Variants in KCTD7 observed in about 807,000 individuals in gnomAD.
KCTD7 encodes the protein potassium channel tetramerization domain containing 7, also known as BTB/POZ domain-containing protein KCTD7.
In KCTD7, 15 loss-of-function variants were observed where a neutral mutation model predicts 27.0. That is an observed-to-expected ratio of 0.56 (90% CI 0.37 to 0.86). KCTD7 has a LOEUF of 0.86. Among genes scored for constraint, KCTD7 ranks in the 40% least tolerant of loss-of-function variants. The pLI is 0.00. For missense variants in KCTD7, 299 were observed against 398.9 expected, an observed-to-expected ratio of 0.75 and a Z score of 2.13; for synonymous variants, 159 against 162.7, an observed-to-expected ratio of 0.98 and a Z score of 0.17.
chr7:66,629,153 C>T lies in KCTD7; in HGVS notation c.89C>T (p.Pro30Leu), dbSNP rs890695139. The change falls in exon 1 of 4, where the codon CCG (proline) becomes CTG (leucine). Residue 30 changes from proline to leucine, a missense_variant. Pro to Leu is a moderately conservative substitution (Grantham distance 98). Coordinates refer to ENST00000639828, the MANE Select transcript of KCTD7 (RefSeq NM_153033.5). ...SSDAEDDFLE[P>L]ATPTATQAGH... ...GACGCCGAAGACGACTTTCTGGAGC[C>T]GGCCACGCCGACGGCCACGCAGGCG... 2 of 1,526,390 alleles carry T rather than the reference C, an allele frequency of 1.3e-6. No individual in the cohort carries two copies. Among genetic ancestry groups the T allele is most frequent in the South Asian group, 1.2e-5 (1 of 81,418 alleles). 94.6% of individuals were successfully genotyped at this position (1,526,390 alleles called of 1,614,324 possible). A position where few individuals can be genotyped will look rare whatever the true frequency, so the allele number is the denominator to read the frequency against.
Position 66,640,959 on chromosome 7 carries a change from G to A in KCTD7, c.*1727G>A. 1.0e-6 allele frequency: 1 copy of A among 985,508 alleles called. No homozygotes were observed. The highest frequency in any genetic ancestry group is 1.2e-6 in the Non-Finnish European group (1 of 830,018). 61.0% of individuals were successfully genotyped at this position (985,508 alleles called of 1,614,324 possible). ...GTTCATATGAGGAAGAGAAGACCAA[G>A]CCCTGGGACTTTGGCTGAATTCCTC... is the stretch of plus-strand genomic sequence containing the variant. On this transcript the variant is annotated 3_prime_UTR_variant, in exon 4 of 4. Transcript: ENST00000639828.
intron 1 of KCTD7, among the ~76,000 whole-genome samples, chr7:66,632,758 A>G (rs1374600686): frequency 1.3e-5 from 2 of 151,830 alleles, no homozygotes; most frequent in Non-Finnish European, 2.9e-5. Flanking sequence ...AAAAGCTATC[A>G]GGGGGCCAGG....
rs1256035684 is a variant in KCTD7 at position 66,641,927 on chromosome 7, A to T, written c.*2695A>T. 8.1e-6 allele frequency: 8 copies of T among 985,310 alleles called. No homozygotes were observed. The highest frequency in any genetic ancestry group is 1.7e-5 in the African/African-American group (1 of 57,232). The allele number at this position is 985,310 out of a possible 1,614,324, so 61.0% of individuals were successfully genotyped here. A position where few individuals can be genotyped will look rare whatever the true frequency, so the allele number is the denominator to read the frequency against. ...GGGTCTGGAAGGAAGGCTCCAAAGGATGAAAGCTTCTCCCTGATCATAAGG... is the reference window on the plus strand; with the variant it reads ...GGGTCTGGAAGGAAGGCTCCAAAGGTTGAAAGCTTCTCCCTGATCATAAGG... On this transcript the variant is annotated 3_prime_UTR_variant, in exon 4 of 4. Coordinates refer to ENST00000639828, the MANE Select transcript of KCTD7 (RefSeq NM_153033.5).
Position 66,639,896 on chromosome 7 carries a change from A to G in KCTD7, c.*664A>G. The G allele has an allele frequency of 8.0e-7, 1 of 1,244,980 alleles. No individual in the cohort carries two copies. The highest frequency in any genetic ancestry group is 1.0e-6 in the Non-Finnish European group (1 of 995,666). 77.1% of individuals were successfully genotyped at this position (1,244,980 alleles called of 1,614,324 possible). A position where few individuals can be genotyped will look rare whatever the true frequency, so the allele number is the denominator to read the frequency against. ...CACCCAGTTGGCCTTAGAAAACCAC[A>G]ATGTTTACAGCCCTGTCTTAGGGCC... is the stretch of plus-strand genomic sequence containing the variant. On this transcript the variant is annotated 3_prime_UTR_variant, in exon 4 of 4. Coordinates refer to ENST00000639828, the MANE Select transcript of KCTD7 (RefSeq NM_153033.5).
intron 1 of KCTD7, among the ~76,000 whole-genome samples, chr7:66,631,568 CAAA>C (rs147951741): frequency 3.0e-5 from 3 of 100,226 alleles, no homozygotes; most frequent in Non-Finnish European, 4.2e-5. Flanking sequence ...GATTCCGTCT[CAAA>C]AAAAAAAAAA....
rs3069693 is a variant in KCTD7 at position 66,634,113 on chromosome 7, C to CATATATATATATATATAT, written c.314+676_314+693dup. Among the ~76,000 whole-genome samples, 574 of 132,174 alleles carry CATATATATATATATATAT rather than the reference C, an allele frequency of 4.3e-3. 12 individuals are homozygous for CATATATATATATATATAT. The highest frequency in any genetic ancestry group is 0.015 in the African/African-American group (478 of 32,928). 86.7% of individuals were successfully genotyped at this position (132,174 alleles called of 152,430 possible). A position where few individuals can be genotyped will look rare whatever the true frequency, so the allele number is the denominator to read the frequency against. ...ATATGTATATATGGGTGTGTGTATA[C>CATATATATATATATATAT]ATATATATATATATATATATATATG... On this transcript the variant is annotated intron_variant, in intron 2 of 3. Coordinates refer to ENST00000639828, the MANE Select transcript of KCTD7 (RefSeq NM_153033.5).
rs1342158700 is a variant in KCTD7, at chr7:66,638,185, T to C, written c.315-68T>C. 3.9e-6 allele frequency: 6 copies of C among 1,547,716 alleles called. No homozygotes were observed. The East Asian group carries it at 9.0e-5, about 23-fold the overall frequency. Reference sequence around the variant, plus strand: ...CAGTCTGGTTTTAGATTTTGTCCAATGCACACTGTGTGGCACTGCCCAGGA... The same window carrying C: ...CAGTCTGGTTTTAGATTTTGTCCAACGCACACTGTGTGGCACTGCCCAGGA... On this transcript the variant is annotated intron_variant, in intron 2 of 3. Coordinates refer to ENST00000639828, the MANE Select transcript of KCTD7 (RefSeq NM_153033.5).
chr7:66,637,812 T>G (rs1786621639), intron 2 of KCTD7, among the ~76,000 whole-genome samples: 1 of 152,158 alleles, frequency 6.6e-6, no homozygotes, highest in Non-Finnish European at 1.5e-5. Context: ...GATGGGTATA[T>G]TCATACTTAA....
Position 66,640,626 on chromosome 7 carries a change from A to T in KCTD7, c.*1394A>T. On this transcript the variant is annotated 3_prime_UTR_variant, in exon 4 of 4. Transcript: ENST00000639828. Reference sequence around the variant, plus strand: ...GATTTTTTTTTTTAATGTGTAAAGAATTGATGCGAGCCAGGAACATGTCTG... The same window carrying T: ...GATTTTTTTTTTTAATGTGTAAAGATTTGATGCGAGCCAGGAACATGTCTG... The T allele has an allele frequency of 7.2e-7, 1 of 1,379,476 alleles. No homozygotes were observed. The highest frequency in any genetic ancestry group is 9.3e-7 in the Non-Finnish European group (1 of 1,069,926). 85.5% of individuals were successfully genotyped at this position (1,379,476 alleles called of 1,614,324 possible).
intron 2 of KCTD7, among the ~76,000 whole-genome samples, chr7:66,637,191 T>G (rs1284982771): frequency 2.0e-5 from 3 of 152,194 alleles, no homozygotes; most frequent in East Asian, 3.8e-4. Flanking sequence ...GTTGAAGCAG[T>G]TCCCCTGCCT....
chr7:66,639,246 G>A lies in KCTD7; in HGVS notation c.*14G>A. 1 of 1,607,796 alleles carries A rather than the reference G, an allele frequency of 6.2e-7. No homozygotes were observed. Among genetic ancestry groups the A allele is most frequent in the Non-Finnish European group, 8.5e-7 (1 of 1,179,992 alleles). On this transcript the variant is annotated 3_prime_UTR_variant, in exon 4 of 4. Coordinates refer to ENST00000639828, the MANE Select transcript of KCTD7 (RefSeq NM_153033.5). ...ACATGGTGGTGAGTAGCCCCGGTAGGCGAGAGTCCCATCAGGGAGGATGTC... is the reference window on the plus strand; with the variant it reads ...ACATGGTGGTGAGTAGCCCCGGTAGACGAGAGTCCCATCAGGGAGGATGTC...
chr7:66,639,623 C>G lies in KCTD7; in HGVS notation c.*391C>G. 1 of 1,341,626 alleles carries G rather than the reference C, an allele frequency of 7.5e-7. No individual in the cohort carries two copies. Among genetic ancestry groups the G allele is most frequent in the South Asian group, 1.7e-5 (1 of 58,670 alleles). The allele number at this position is 1,341,626 out of a possible 1,614,324, so 83.1% of individuals were successfully genotyped here. ...GATGTAGGCCTAATCACTTCCTCAACCCTGTTCAAGCGTCCCTCCCTTGTG... is the reference window on the plus strand; with the variant it reads ...GATGTAGGCCTAATCACTTCCTCAAGCCTGTTCAAGCGTCCCTCCCTTGTG... On this transcript the variant is annotated 3_prime_UTR_variant, in exon 4 of 4. Transcript: ENST00000639828.
Position 66,639,470 on chromosome 7 carries a change from C to T in KCTD7, c.*238C>T. The T allele has an allele frequency of 7.0e-7, 1 of 1,431,346 alleles. No individual in the cohort carries two copies. The highest frequency in any genetic ancestry group is 9.1e-7 in the Non-Finnish European group (1 of 1,094,840). The allele number at this position is 1,431,346 out of a possible 1,614,324, so 88.7% of individuals were successfully genotyped here. A position where few individuals can be genotyped will look rare whatever the true frequency, so the allele number is the denominator to read the frequency against. ...TCCAGCCAGCGCTCACCTGGCCTTT[C>T]CTCAAGGCATGGTAGTCTTTCCTTG... On this transcript the variant is annotated 3_prime_UTR_variant, in exon 4 of 4. Transcript: ENST00000639828.
chr7:66,633,223 C>T (rs1786494572), intron 1 of KCTD7, 52 bp from the exon 2 acceptor site: 1 of 1,590,664 alleles, frequency 6.3e-7, no homozygotes, highest in Non-Finnish European at 8.6e-7. Context: ...TGGAGCAGCC[C>T]CAGCTCTCAT....
chr7:66,635,676 A>G (rs1584397571), intron 2 of KCTD7, among the ~76,000 whole-genome samples: 1 of 148,328 alleles, frequency 6.7e-6, no homozygotes, highest in Admixed American at 6.7e-5. Context: ...GATCATTTTT[A>G]TTCTCAGAAA....
At position 66,630,821 on chromosome 7, in the gene KCTD7, T is replaced by A. The variant is rs1786426533; in HGVS notation, c.144+1613T>A. ...CCCCACCACCAGTTCCCCCCACTGA[T>A]GACATTGCCCCATGTGAGCTCCAAA... On this transcript the variant is annotated intron_variant, in intron 1 of 3. Coordinates refer to ENST00000639828, the MANE Select transcript of KCTD7 (RefSeq NM_153033.5). 2.6e-5 allele frequency among the ~76,000 whole-genome samples: 4 copies of A among 152,178 alleles called. 1 individual carries two copies. Among genetic ancestry groups the A allele is most frequent in the African/African-American group, 9.6e-5 (4 of 41,458 alleles).
In KCTD7 at chr7:66,640,177, C is replaced by T. The variant is rs1786683301; in HGVS notation, c.*945C>T. On this transcript the variant is annotated 3_prime_UTR_variant, in exon 4 of 4. Coordinates refer to ENST00000639828, the MANE Select transcript of KCTD7 (RefSeq NM_153033.5). ...GACCCCCTCTCTTTAAACCCTGTTC[C>T]TCTGTCCTGGTAACATTCTCCTTCT... 8 of 1,420,646 alleles carry T rather than the reference C, an allele frequency of 5.6e-6. No individual in the cohort carries two copies. Among genetic ancestry groups the T allele is most frequent in the Admixed American group, 3.0e-5 (1 of 33,362 alleles). The allele number at this position is 1,420,646 out of a possible 1,614,324, so 88.0% of individuals were successfully genotyped here.
In KCTD7 at chr7:66,640,601, G is replaced by A; in HGVS notation, c.*1369G>A. 1.4e-6 allele frequency: 2 copies of A among 1,380,992 alleles called. No homozygotes were observed. 85.5% of individuals were successfully genotyped at this position (1,380,992 alleles called of 1,614,324 possible). A position where few individuals can be genotyped will look rare whatever the true frequency, so the allele number is the denominator to read the frequency against. The stretch of plus-strand genomic sequence containing the variant: ...ACCTGTCTCTTCCTGGGTAAAGGGA[G>A]ATTTTTTTTTTTAATGTGTAAAGAA... On this transcript the variant is annotated 3_prime_UTR_variant, in exon 4 of 4. Transcript: ENST00000639828.
chr7:66,629,622 G>A (rs1158146078), intron 1 of KCTD7, among the ~76,000 whole-genome samples: 1 of 152,096 alleles, frequency 6.6e-6, no homozygotes, highest in African/African-American at 2.4e-5. Flanking sequence ...GATCGCTTGA[G>A]GGCAGGAGTT....
Sources: gnomAD v4.1 joint callset for allele counts (sites outside exome capture counted in the v4.1 genomes callset) on GRCh38, gnomAD v4.1.1 for gene constraint, MANE v1.5 for transcripts, NCBI Gene and HGNC (gene_info 2026-07-23, HGNC 2026-07-21) for gene names.